The following SRSF3 variants were observed in gnomAD, a reference collection of about 807,000 sequenced individuals.
The protein encoded by SRSF3 is serine/arginine-rich splicing factor 3.
For synonymous variants in SRSF3, 87 were observed against 73.6 expected (o/e 1.18, Z -0.93); for missense variants, 58 against 217.1 (o/e 0.27, Z 4.61).
At chr6:36,596,490 C>G (rs1778629307) in intron 1 of SRSF3, among the ~76,000 whole-genome samples, 1 of 146,166 alleles carries the variant, frequency 6.8e-6, no homozygotes. Context: ...TCCAGTTGTT[C>G]TCAACGTTCC....
intron 2 of SRSF3, 127 bp downstream of exon 2, chr6:36,597,095 ATCTTT>A (rs1671180878): frequency 4.3e-5 from 21 of 493,784 alleles, no homozygotes; most frequent in African/African-American, 1.7e-4. Flanking sequence ...TACAATTGGG[ATCTTT>A]TTTTTTTTTT....
At position 36,603,076 on chromosome 6, in the gene SRSF3, ATT is replaced by A. The variant is rs530711656; in HGVS notation, c.*1100_*1101del. ...ATGTCACCTAAGTGATAGTTAACCC[ATT>A]TTTTTTTTTTTTAGGCATAGAAGCC... On this transcript the variant is annotated 3_prime_UTR_variant, in exon 6 of 6. Coordinates refer to ENST00000373715, the MANE Select transcript of SRSF3 (RefSeq NM_003017.5). The A allele has an allele frequency of 2.1e-3, 419 of 196,894 alleles. No individual in the cohort carries two copies. Among genetic ancestry groups the A allele is most frequent in the East Asian group, 3.2e-3 (43 of 13,276 alleles). The allele number at this position is 196,894 out of a possible 1,614,324, so 12.2% of individuals were successfully genotyped here.
chr6:36,600,435 T>C (rs979682323), intron 3 of SRSF3: 6 of 275,124 alleles, frequency 2.2e-5, no homozygotes, highest in Non-Finnish European at 3.3e-5. Flanking sequence ...AGGGAACTCG[T>C]AATGTAACTA....
Position 36,604,141 on chromosome 6 carries a change from AGGTCACACTAACC to A in SRSF3, c.*2157_*2169del. On this transcript the variant is annotated 3_prime_UTR_variant, in exon 6 of 6. Transcript: ENST00000373715. Reference sequence around the variant, plus strand: ...TTAAAGTTGTAATTCCTAAAATAACAGGTCACACTAACCGGTCTTGTCCATATTCAGGGTTGAG... The same window carrying A: ...TTAAAGTTGTAATTCCTAAAATAACAGGTCTTGTCCATATTCAGGGTTGAG... 4.5e-6 allele frequency: 1 copy of A among 222,720 alleles called. No homozygotes were observed. The highest frequency in any genetic ancestry group is 6.6e-5 in the East Asian group (1 of 15,230). The allele number at this position is 222,720 out of a possible 1,614,324, so 13.8% of individuals were successfully genotyped here.
chr6:36,603,461 T>A lies in SRSF3; in HGVS notation c.*1472T>A. On this transcript the variant is annotated 3_prime_UTR_variant, in exon 6 of 6. Coordinates refer to ENST00000373715, the MANE Select transcript of SRSF3 (RefSeq NM_003017.5). ...TGGCTTAGTTTCCTTAAATATGCTC[T>A]TAAGATAGTTTTGGATTATGCGGTA... 1 of 223,774 alleles carries A rather than the reference T, an allele frequency of 4.5e-6. No individual in the cohort carries two copies. Among genetic ancestry groups the A allele is most frequent in the Non-Finnish European group, 8.9e-6 (1 of 111,962 alleles). 13.9% of individuals were successfully genotyped at this position (223,774 alleles called of 1,614,324 possible).
chr6:36,598,623 C>T (rs1026408257), intron 2 of SRSF3: 2 of 453,944 alleles, frequency 4.4e-6, no homozygotes, highest in Non-Finnish European at 7.9e-6. Context: ...ACCTTGTGAT[C>T]CGCCTGCCTC....
rs1478523240 is a variant in SRSF3 at position 36,602,325 on chromosome 6, C to T, written c.*336C>T. ...GTGTGTTTTTTTTTAAATTTAAATA[C>T]AGAAACAACTGGCAAAAATTGAACT... On this transcript the variant is annotated 3_prime_UTR_variant, in exon 6 of 6. Coordinates refer to ENST00000373715, the MANE Select transcript of SRSF3 (RefSeq NM_003017.5). 2.0e-5 allele frequency: 6 copies of T among 299,906 alleles called. No individual in the cohort carries two copies. The highest frequency in any genetic ancestry group is 3.6e-5 in the Non-Finnish European group (6 of 165,464). 18.6% of individuals were successfully genotyped at this position (299,906 alleles called of 1,614,324 possible).
rs1339336017 is a variant in SRSF3 at position 36,604,684 on chromosome 6, C to T, written c.*2695C>T. On this transcript the variant is annotated 3_prime_UTR_variant, in exon 6 of 6. Coordinates refer to ENST00000373715, the MANE Select transcript of SRSF3 (RefSeq NM_003017.5). The stretch of plus-strand genomic sequence containing the variant: ...ACAAACCCATATGTGGATGGAAAAT[C>T]CAGGTTATTACTACATTCATTTTAG... The T allele has an allele frequency of 6.3e-6, 1 of 158,032 alleles. No individual in the cohort carries two copies. Among genetic ancestry groups the T allele is most frequent in the Non-Finnish European group, 1.4e-5 (1 of 71,476 alleles). The allele number at this position is 158,032 out of a possible 1,614,324, so 9.8% of individuals were successfully genotyped here.
intron 5 of SRSF3, 69 bp downstream of exon 5, chr6:36,601,863 A>G: frequency 1.9e-6 from 3 of 1,595,766 alleles, no homozygotes; most frequent in South Asian, 1.1e-5. Flanking sequence ...CTTCTAAGCC[A>G]TAAATTTTTT....
chr6:36,598,865 C>T lies in SRSF3; in HGVS notation c.223C>T (p.Arg75Cys). 2 of 1,612,970 alleles carry T rather than the reference C, an allele frequency of 1.2e-6. No homozygotes were observed. The highest frequency in any genetic ancestry group is 1.7e-6 in the Non-Finnish European group (2 of 1,179,870). The part of the protein sequence containing the change: ...ELDGRTLCGC[R>C]VRVELSNGEK... ...CCCCCTCAGAACACTATGTGGCTGC[C>T]GTGTAAGAGTGGAACTGTCGAATGG... Residue 75 changes from arginine to cysteine, a missense_variant, in exon 3 of 6, where the codon CGT (arginine) becomes TGT (cysteine). Arg to Cys is a radical substitution (Grantham distance 180). Coordinates refer to ENST00000373715, the MANE Select transcript of SRSF3 (RefSeq NM_003017.5).
intron 2 of SRSF3, 129 bp downstream of exon 2, chr6:36,597,097 C>CT (rs35760494): frequency 0.14 from 49,565 of 355,194 alleles, 3,103 homozygotes; most frequent in East Asian, 0.21. Flanking sequence ...CAATTGGGAT[C>CT]TTTTTTTTTT....
chr6:36,595,128 T>C (rs1311213539), intron 1 of SRSF3, among the ~76,000 whole-genome samples: 1 of 152,180 alleles, frequency 6.6e-6, no homozygotes, highest in African/African-American at 2.4e-5. Context: ...CTGGATATTT[T>C]AATTAGACAA....
chr6:36,597,095 ATCTTTT>A, intron 2 of SRSF3, 127 bp downstream of exon 2: 1 of 493,824 alleles, frequency 2.0e-6, no homozygotes. Flanking sequence ...TACAATTGGG[ATCTTTT>A]TTTTTTTTTT....
chr6:36,597,780 T>C (rs1005958880), intron 2 of SRSF3, among the ~76,000 whole-genome samples: 1 of 151,636 alleles, frequency 6.6e-6, no homozygotes, highest in Non-Finnish European at 1.5e-5. Context: ...TGACTGGTTG[T>C]ATTAAGGGTG....
intron 2 of SRSF3, among the ~76,000 whole-genome samples, chr6:36,598,144 TGCA>T (rs1007856453): frequency 6.6e-6 from 1 of 152,122 alleles, no homozygotes; most frequent in African/African-American, 2.4e-5. Flanking sequence ...CTGAAATAAG[TGCA>T]GGGACTTCAA....
intron 3 of SRSF3, chr6:36,600,898 A>G: frequency 5.1e-6 from 2 of 393,530 alleles, no homozygotes; most frequent in Admixed American, 4.2e-5. Flanking sequence ...ATCTGCTGTG[A>G]AGCATTCTTT....
In SRSF3 at chr6:36,602,576, C is replaced by T. The variant is rs1255483577; in HGVS notation, c.*587C>T. On this transcript the variant is annotated 3_prime_UTR_variant, in exon 6 of 6. Transcript: ENST00000373715. ...TACCTTTGCTTTAGGTCATAAGTTC[C>T]TTATTTGATTGCTGTATATGGATAC... is the stretch of plus-strand genomic sequence containing the variant. 1.2e-4 allele frequency: 26 copies of T among 218,124 alleles called. No homozygotes were observed. In the Admixed American group the frequency reaches 1.5e-3, roughly 13 times the overall value. The allele number at this position is 218,124 out of a possible 1,614,324, so 13.5% of individuals were successfully genotyped here.
chr6:36,594,856 G>C (rs1279292278), intron 1 of SRSF3: 1 of 151,606 alleles, frequency 6.6e-6, no homozygotes, highest in African/African-American at 2.4e-5. Flanking sequence ...AACCAAGACC[G>C]GACCTTTCAG....
intron 3 of SRSF3, chr6:36,599,719 A>G (rs2127505968): frequency 6.6e-6 from 6 of 904,016 alleles, no homozygotes; most frequent in South Asian, 4.0e-5. Flanking sequence ...CCATCATAAT[A>G]AAGAGTATTT....
Sources: gnomAD v4.1 joint callset for allele counts (sites outside exome capture counted in the v4.1 genomes callset) on GRCh38, gnomAD v4.1.1 for gene constraint, MANE v1.5 for transcripts, NCBI Gene and HGNC (gene_info 2026-07-23, HGNC 2026-07-21) for gene names.